The following CNTN5 variants were observed in gnomAD, a reference collection of about 807,000 sequenced individuals.
CNTN5 encodes contactin-5.
In CNTN5, 77 loss-of-function variants were observed where a neutral mutation model predicts 129.1. The observed-to-expected ratio is 0.60, with a 90% CI of 0.50 to 0.72. The LOEUF is 0.72. Ranked by LOEUF, CNTN5 falls within the 30% of genes least tolerant of loss-of-function variation. CNTN5 has a pLI of 0.00. For synonymous variants in CNTN5, 509 were observed against 465.6 expected, an observed-to-expected ratio of 1.09 and a Z score of -1.20; for missense variants, 1,478 against 1,328.8, an observed-to-expected ratio of 1.11 and a Z score of -1.75.
chr11:99,564,175 G>A (rs914552083), intron 3 of CNTN5, among the ~76,000 whole-genome samples: 2 of 152,246 alleles, frequency 1.3e-5, no homozygotes, highest in Middle Eastern at 3.4e-3. Flanking sequence ...TTGAATCCCT[G>A]AGATCAAGTG....
chr11:99,507,632 C>T (rs1186437563), intron 2 of CNTN5, among the ~76,000 whole-genome samples: 2 of 152,172 alleles, frequency 1.3e-5, no homozygotes, highest in Non-Finnish European at 2.9e-5. Flanking sequence ...ATATTTTATA[C>T]ATAACATTTA....
chr11:99,046,475 T>C (rs1430184061), intron 1 of CNTN5, among the ~76,000 whole-genome samples: 2 of 152,170 alleles, frequency 1.3e-5, no homozygotes, highest in Non-Finnish European at 2.9e-5. Context: ...GTCCTTTTCT[T>C]GAAAAATATA....
At chr11:100,030,949 A>C (rs1308244793) in intron 9 of CNTN5, among the ~76,000 whole-genome samples, 5 of 152,176 alleles carry the variant, frequency 3.3e-5, no homozygotes, top group African/African-American at 1.2e-4. Flanking sequence ...TAAGGTCTAA[A>C]TAGATATTAA....
At chr11:99,249,831 A>G (rs894212723) in intron 1 of CNTN5, among the ~76,000 whole-genome samples, 8 of 152,002 alleles carry the variant, frequency 5.3e-5, no homozygotes, top group Admixed American at 3.3e-4. Flanking sequence ...TGGTAAAATA[A>G]CATTGCAAGT....
At chr11:99,757,423 A>T (rs776840063) in intron 3 of CNTN5, among the ~76,000 whole-genome samples, 12 of 151,948 alleles carry the variant, frequency 7.9e-5, no homozygotes, top group Non-Finnish European at 1.5e-4. Flanking sequence ...ATAAGGACCC[A>T]TACTATAAGT....
At chr11:100,025,084 A>G (rs1227032599) in intron 9 of CNTN5, among the ~76,000 whole-genome samples, 1 of 152,200 alleles carries the variant, frequency 6.6e-6, no homozygotes, top group Non-Finnish European at 1.5e-5. Context: ...AACCCTTCCC[A>G]TCTAAGGCCT....
At chr11:99,713,952 C>T (rs548138826) in intron 3 of CNTN5, among the ~76,000 whole-genome samples, 4 of 151,970 alleles carry the variant, frequency 2.6e-5, no homozygotes, top group South Asian at 2.1e-4. Flanking sequence ...TCTTAGATTT[C>T]GTGAGCAGAA....
At chr11:100,308,713 T>A in intron 21 of CNTN5, 3 of 1,092,802 alleles carry the variant, frequency 2.7e-6, no homozygotes, top group Non-Finnish European at 3.3e-6. Context: ...AAATAGAGTT[T>A]TAGACAAAAG....
At chr11:99,933,681 A>G (rs1229677757) in intron 7 of CNTN5, among the ~76,000 whole-genome samples, 1 of 152,206 alleles carries the variant, frequency 6.6e-6, no homozygotes, top group African/African-American at 2.4e-5. Context: ...TAATTGCTGA[A>G]TATTTCATTG....
At chr11:99,515,922 C>G (rs1157865901) in intron 2 of CNTN5, among the ~76,000 whole-genome samples, 3 of 148,842 alleles carry the variant, frequency 2.0e-5, no homozygotes. Flanking sequence ...GAGTCATACA[C>G]TTAAATGTTT....
chr11:99,770,171 G>A (rs1690760842), intron 3 of CNTN5, among the ~76,000 whole-genome samples: 1 of 152,006 alleles, frequency 6.6e-6, no homozygotes, highest in Non-Finnish European at 1.5e-5. Flanking sequence ...AAGTCACATT[G>A]AGTTAGTTTA....
intron 8 of CNTN5, among the ~76,000 whole-genome samples, chr11:99,980,377 G>A (rs1439696740): frequency 6.6e-6 from 1 of 152,178 alleles, no homozygotes; most frequent in Non-Finnish European, 1.5e-5. Context: ...TTGTTGAGCT[G>A]AGATAGGACA....
At chr11:99,856,860 A>AT (rs1948051376) in intron 6 of CNTN5, among the ~76,000 whole-genome samples, 2 of 152,204 alleles carry the variant, frequency 1.3e-5, no homozygotes, top group African/African-American at 4.8e-5. Context: ...GTCGTAAACT[A>AT]TATATATAGT....
At chr11:99,292,262 A>AC (rs1255844833) in intron 1 of CNTN5, among the ~76,000 whole-genome samples, 1 of 151,296 alleles carries the variant, frequency 6.6e-6, no homozygotes, top group Non-Finnish European at 1.5e-5. Flanking sequence ...TTAAAAAAAA[A>AC]ACACATAAAA....
At chr11:99,178,714 C>T (rs1857902800) in intron 1 of CNTN5, among the ~76,000 whole-genome samples, 1 of 152,020 alleles carries the variant, frequency 6.6e-6, no homozygotes, top group Non-Finnish European at 1.5e-5. Context: ...TGACATTTAG[C>T]AAATTTACCT....
At chr11:99,061,313 G>C (rs1380927306) in intron 1 of CNTN5, among the ~76,000 whole-genome samples, 1 of 152,106 alleles carries the variant, frequency 6.6e-6, no homozygotes, top group Non-Finnish European at 1.5e-5. Flanking sequence ...TTCATGCAAA[G>C]ACTGAGTGTG....
rs566170517 is a variant in CNTN5 at position 99,784,761 on chromosome 11, C to T, written c.56-34783C>T. Among the ~76,000 whole-genome samples, 8 of 150,302 alleles carry T rather than the reference C, an allele frequency of 5.3e-5. No individual in the cohort carries two copies. In the South Asian group the frequency reaches 1.7e-3, roughly 32 times the overall value. On this transcript the variant is annotated intron_variant, in intron 3 of 24. Transcript: ENST00000524871. The stretch of plus-strand genomic sequence containing the variant: ...TTGTTTCCTGACTTTTTAATGATTG[C>T]CATTCTAACTGGTGTGAGATGGTAT...
chr11:99,835,103 G>A (rs1947260793), intron 4 of CNTN5, among the ~76,000 whole-genome samples: 1 of 152,202 alleles, frequency 6.6e-6, no homozygotes. Flanking sequence ...CCTTTACCCA[G>A]ATTATTGAGT....
At chr11:99,821,801 T>C (rs1413797102) in intron 4 of CNTN5, among the ~76,000 whole-genome samples, 1 of 152,138 alleles carries the variant, frequency 6.6e-6, no homozygotes, top group Non-Finnish European at 1.5e-5. Flanking sequence ...GTGATGGTGA[T>C]GGTGCTGATC....
Sources: allele counts gnomAD v4.1 joint callset (sites outside exome capture counted in the v4.1 genomes callset), GRCh38; gene constraint gnomAD v4.1.1; transcripts MANE v1.5; gene names NCBI Gene and HGNC (gene_info 2026-07-23, HGNC 2026-07-21).